PTK2B: variants seen among roughly 807,000 people sequenced by gnomAD.
PTK2B encodes the protein protein tyrosine kinase 2 beta.
A neutral mutation model predicts 142.9 loss-of-function variants in PTK2B; 71 were observed. The ratio of observed to expected loss-of-function variants is 0.50; its 90% CI spans 0.41 to 0.61. PTK2B has a LOEUF of 0.61. Ranked by LOEUF, PTK2B falls within the 20% of genes least tolerant of loss-of-function variation. The probability of loss-of-function intolerance (pLI) is 0.00; values close to 1 mark genes in which losing one functional copy is unlikely to be tolerated. For synonymous variants in PTK2B, 519 were observed against 503.4 expected (o/e 1.03, Z -0.42); for missense variants, 1,105 against 1,320.4 (o/e 0.84, Z 2.53).
At chr8:27,375,455 C>T (rs1288672215) in intron 1 of PTK2B, among the ~76,000 whole-genome samples, 2 of 152,158 alleles carry the variant, frequency 1.3e-5, no homozygotes, top group Non-Finnish European at 2.9e-5. Context: ...CAAAGCATGC[C>T]ATCATCATTT....
intron 1 of PTK2B, among the ~76,000 whole-genome samples, chr8:27,345,628 T>C (rs146462916): frequency 6.6e-6 from 1 of 152,342 alleles, no homozygotes; most frequent in East Asian, 1.9e-4. Flanking sequence ...TTCCCCAGCC[T>C]GCAGATATGA....
chr8:27,391,843 T>G (rs1807745129), intron 1 of PTK2B, among the ~76,000 whole-genome samples: 1 of 152,254 alleles, frequency 6.6e-6, no homozygotes, highest in African/African-American at 2.4e-5. Context: ...CCATTTCTTG[T>G]GTTTGTTATT....
At chr8:27,312,064 T>G (rs1001380640) in intron 1 of PTK2B, among the ~76,000 whole-genome samples, 3 of 152,132 alleles carry the variant, frequency 2.0e-5, no homozygotes, top group Non-Finnish European at 1.5e-5. Flanking sequence ...TTCTGCAAAG[T>G]TTAGCTGAGA....
intron 15 of PTK2B, among the ~76,000 whole-genome samples, chr8:27,436,550 T>A (rs1259830543): frequency 6.6e-6 from 1 of 151,630 alleles, no homozygotes; most frequent in African/African-American, 2.4e-5. Flanking sequence ...CCAAGAAGGG[T>A]AGCAAAATAC....
intron 24 of PTK2B, among the ~76,000 whole-genome samples, chr8:27,446,452 C>G (rs554683166): frequency 6.6e-6 from 1 of 152,270 alleles, no homozygotes; most frequent in Admixed American, 6.5e-5. Context: ...GGACCTAAGC[C>G]ACTTCCCTTG....
intron 2 of PTK2B, among the ~76,000 whole-genome samples, chr8:27,403,215 C>T (rs1808485086): frequency 6.6e-6 from 1 of 152,192 alleles, no homozygotes; most frequent in Admixed American, 6.5e-5. Flanking sequence ...TTCAAATTTG[C>T]CAAGCACATG....
In PTK2B at chr8:27,439,353, A is replaced by G. The variant is rs1811007014; in HGVS notation, c.1789A>G (p.Ile597Val). 1 of 1,614,028 alleles carries G rather than the reference A, an allele frequency of 6.2e-7. No homozygotes were observed. Among genetic ancestry groups the G allele is most frequent in the Admixed American group, 1.7e-5 (1 of 60,004 alleles). Residue 597 changes from isoleucine to valine, a missense_variant, in exon 20 of 31, where the codon ATT becomes GTT. By Grantham distance (29) the Ile-to-Val change is conservative. Transcript: ENST00000346049. ...CATCAAATGGATGTCCCCAGAGTCC[A>G]TTAACTTCCGACGCTTCACGACAGC... is the stretch of plus-strand genomic sequence containing the variant. ...LPIKWMSPES[I>V]NFRRFTTASD...
At chr8:27,391,150 G>A (rs28671003) in intron 1 of PTK2B, among the ~76,000 whole-genome samples, 55,171 of 150,050 alleles carry the variant, frequency 0.37, 11,036 homozygotes, top group Middle Eastern at 0.5. Context: ...GTGCAATCTC[G>A]GCTCGGTGCA....
At chr8:27,314,538 C>T (rs556122570) in intron 3 of PTK2B, among the ~76,000 whole-genome samples, 1 of 152,366 alleles carries the variant, frequency 6.6e-6, no homozygotes, top group African/African-American at 2.4e-5. Context: ...CAAATATCCT[C>T]CCCATAGGGC....
intron 1 of PTK2B, among the ~76,000 whole-genome samples, chr8:27,348,437 C>T (rs1213239838): frequency 1.3e-5 from 2 of 152,086 alleles, no homozygotes; most frequent in Non-Finnish European, 2.9e-5. Context: ...CAGCTCTTCC[C>T]GGCGTGCACA....
chr8:27,383,177 TC>T (rs1391235266), intron 1 of PTK2B, among the ~76,000 whole-genome samples: 1 of 152,218 alleles, frequency 6.6e-6, no homozygotes, highest in Non-Finnish European at 1.5e-5. Context: ...TATTAATTAT[TC>T]CAATCCATGA....
upstream of PTK2B, chr8:27,311,424 C>A: frequency 1.4e-6 from 1 of 710,954 alleles, no homozygotes; most frequent in Non-Finnish European, 2.2e-6. Context: ...TCGGAGGAGC[C>A]CCACCCACTT....
In PTK2B at chr8:27,442,958, C is replaced by T. The variant is rs761266768; in HGVS notation, c.2123C>T (p.Thr708Ile). The change falls in exon 22 of 31, where the codon ACA becomes ATA. Residue 708 changes from threonine to isoleucine, a missense_variant. Thr to Ile is a moderately conservative substitution (Grantham distance 89). Transcript: ENST00000346049. Reference protein sequence around the residue: ...RYRTPKILEPTAFQEPPPKPS... With the variant: ...RYRTPKILEPIAFQEPPPKPS... ...CGAACCCCCAAAATCTTGGAGCCCA[C>T]AGCCTTCCAGGAACCCCCACCCAAG... 5.6e-6 allele frequency: 9 copies of T among 1,614,096 alleles called. No homozygotes were observed. The East Asian group carries it at 2.0e-4, about 36-fold the overall frequency.
chr8:27,445,447 A>C (rs1272360383), intron 23 of PTK2B, among the ~76,000 whole-genome samples: 1 of 152,190 alleles, frequency 6.6e-6, no homozygotes. Context: ...TATCTGTATA[A>C]ATTGGTGTGT....
At chr8:27,355,121 T>C (rs1805324565) in intron 1 of PTK2B, among the ~76,000 whole-genome samples, 1 of 152,194 alleles carries the variant, frequency 6.6e-6, no homozygotes, top group South Asian at 2.1e-4. Context: ...CGCATCCTAA[T>C]CCCAGAACTT....
At chr8:27,319,483 A>T (rs1314892220) in intron 3 of PTK2B, among the ~76,000 whole-genome samples, 1 of 151,946 alleles carries the variant, frequency 6.6e-6, no homozygotes, top group African/African-American at 2.4e-5. Context: ...TCTACTAAAA[A>T]TACAAAAAAA....
At chr8:27,450,487 G>C (rs4733065) in intron 24 of PTK2B, among the ~76,000 whole-genome samples, 9 of 152,044 alleles carry the variant, frequency 5.9e-5, no homozygotes, top group African/African-American at 1.9e-4. Context: ...TGAGCAGATC[G>C]TGTAATCATT....
At chr8:27,394,614 G>A (rs1807929474) in intron 1 of PTK2B, among the ~76,000 whole-genome samples, 2 of 152,140 alleles carry the variant, frequency 1.3e-5, no homozygotes, top group Non-Finnish European at 2.9e-5. Flanking sequence ...GGTGTACTTA[G>A]GCTACACTAA....
rs1809814717 is a variant in PTK2B, at chr8:27,422,390, G to A, written c.551+7G>A. The A allele has an allele frequency of 1.2e-6, 2 of 1,605,882 alleles. No individual in the cohort carries two copies. The highest frequency in any genetic ancestry group is 1.7e-6 in the Non-Finnish European group (2 of 1,175,944). On this transcript the variant is annotated splice_region_variant and intron_variant, in intron 5 of 30. Transcript: ENST00000346049. The stretch of plus-strand genomic sequence containing the variant: ...TGGGCTGCCTGGAGCTCAGGTATGT[G>A]GCCCTGAGGCCTCTGCTGGGAGGGC...
Sources: allele counts gnomAD v4.1 joint callset (sites outside exome capture counted in the v4.1 genomes callset), GRCh38; gene constraint gnomAD v4.1.1; transcripts MANE v1.5; gene names NCBI Gene and HGNC (gene_info 2026-07-23, HGNC 2026-07-21).